CTNNA2: variants seen among roughly 807,000 people sequenced by gnomAD.
The protein encoded by CTNNA2 is catenin alpha-2.
Under a neutral mutation model 101.0 loss-of-function variants are expected in CTNNA2, and 42 were observed. The ratio of observed to expected loss-of-function variants is 0.42; its 90% CI spans 0.32 to 0.54. The LOEUF is 0.54. Among genes scored for constraint, CTNNA2 ranks in the 20% least tolerant of loss-of-function variants. The probability of loss-of-function intolerance (pLI) is 0.14; values close to 1 mark genes in which losing one functional copy is unlikely to be tolerated. For missense variants in CTNNA2, 871 were observed against 1,223.1 expected, an observed-to-expected ratio of 0.71 and a Z score of 4.29; for synonymous variants, 450 against 456.4, an observed-to-expected ratio of 0.99 and a Z score of 0.18.
intron 1 of CTNNA2, among the ~76,000 whole-genome samples, chr2:79,612,983 T>C (rs1487556764): frequency 6.6e-6 from 1 of 152,156 alleles, no homozygotes; most frequent in African/African-American, 2.4e-5. Context: ...ATGACATATT[T>C]CTATTTATAT....
intron 7 of CTNNA2, among the ~76,000 whole-genome samples, chr2:80,060,859 T>G (rs577832335): frequency 1.3e-5 from 2 of 152,322 alleles, no homozygotes; most frequent in South Asian, 4.1e-4. Flanking sequence ...CCCTCTGCTC[T>G]TAGAGCCTTG....
intron 12 of CTNNA2, among the ~76,000 whole-genome samples, chr2:80,571,069 C>T (rs1026590835): frequency 2.0e-5 from 3 of 152,156 alleles, no homozygotes; most frequent in Non-Finnish European, 2.9e-5. Flanking sequence ...TAGCATGTCA[C>T]CTTCTACGTT....
chr2:80,168,817 A>G (rs1021822931), intron 7 of CTNNA2, among the ~76,000 whole-genome samples: 2 of 151,864 alleles, frequency 1.3e-5, no homozygotes, highest in African/African-American at 2.4e-5. Flanking sequence ...AGGTGATTCG[A>G]ATGTATAGTA....
At chr2:80,376,752 C>G (rs146119883) in intron 7 of CTNNA2, among the ~76,000 whole-genome samples, 35 of 152,272 alleles carry the variant, frequency 2.3e-4, no homozygotes, top group Non-Finnish European at 3.2e-4. Context: ...GTGGGGCAGA[C>G]ATGGAAAGCC....
chr2:79,375,416 C>T (rs1200457554), intron 4 of CTNNA2, among the ~76,000 whole-genome samples: 1 of 152,142 alleles, frequency 6.6e-6, no homozygotes, highest in Non-Finnish European at 1.5e-5. Flanking sequence ...CGCCATCGTT[C>T]CTTCTTTATT....
intron 8 of CTNNA2, among the ~76,000 whole-genome samples, chr2:80,395,770 G>T (rs1189961565): frequency 1.3e-5 from 2 of 152,192 alleles, no homozygotes; most frequent in Non-Finnish European, 2.9e-5. Context: ...TGCTAGAGCA[G>T]ATTCTAAAAG....
intron 7 of CTNNA2, among the ~76,000 whole-genome samples, chr2:79,956,386 C>T (rs1357723366): frequency 2.0e-5 from 3 of 152,058 alleles, no homozygotes; most frequent in Admixed American, 6.6e-5. Context: ...ACAATATTTA[C>T]GTTTAAAGAA....
chr2:79,816,454 A>G (rs1398184952), intron 3 of CTNNA2, among the ~76,000 whole-genome samples: 1 of 152,152 alleles, frequency 6.6e-6, no homozygotes, highest in Non-Finnish European at 1.5e-5. Context: ...TTCATGTCCA[A>G]CTTCCAGAGA....
chr2:79,918,436 A>G (rs1686415218), intron 7 of CTNNA2, among the ~76,000 whole-genome samples: 1 of 152,220 alleles, frequency 6.6e-6, no homozygotes, highest in Admixed American at 6.5e-5. Flanking sequence ...GGCCAGCTAG[A>G]TTAGGGGCCT....
chr2:79,808,025 AT>A (rs1416313653), intron 3 of CTNNA2, among the ~76,000 whole-genome samples: 1 of 152,180 alleles, frequency 6.6e-6, no homozygotes, highest in African/African-American at 2.4e-5. Flanking sequence ...ATGATATTAA[AT>A]TTTCCTTTAC....
At chr2:80,138,017 AAGGAGAAGATT>A (rs1465023253) in intron 7 of CTNNA2, among the ~76,000 whole-genome samples, 2 of 152,164 alleles carry the variant, frequency 1.3e-5, no homozygotes, top group Non-Finnish European at 2.9e-5. Flanking sequence ...CAATTTTACA[AAGGAGAAGATT>A]AGGTGTGGAA....
At chr2:79,973,803 G>T (rs1340888402) in intron 7 of CTNNA2, among the ~76,000 whole-genome samples, 4 of 152,162 alleles carry the variant, frequency 2.6e-5, no homozygotes, top group African/African-American at 4.8e-5. Flanking sequence ...TACCAAGGGC[G>T]AAACCAGTGT....
intron 9 of CTNNA2, among the ~76,000 whole-genome samples, chr2:80,444,621 G>A (rs1682913810): frequency 6.6e-6 from 1 of 152,178 alleles, no homozygotes; most frequent in African/African-American, 2.4e-5. Context: ...CATGGAGATA[G>A]AGCCTTTGGG....
At chr2:79,197,093 A>T (rs1673971293) in intron 1 of CTNNA2, among the ~76,000 whole-genome samples, 2 of 152,240 alleles carry the variant, frequency 1.3e-5, no homozygotes, top group Admixed American at 1.3e-4. Flanking sequence ...AGCTTGAAAC[A>T]TGCAAAGTGC....
At chr2:80,095,169 A>T (rs1182678098) in intron 7 of CTNNA2, among the ~76,000 whole-genome samples, 1 of 152,174 alleles carries the variant, frequency 6.6e-6, no homozygotes, top group Non-Finnish European at 1.5e-5. Flanking sequence ...TTATTTTGAG[A>T]TATGTCCCAT....
intron 3 of CTNNA2, among the ~76,000 whole-genome samples, chr2:79,837,566 G>A (rs1236954410): frequency 1.3e-5 from 2 of 152,038 alleles, no homozygotes; most frequent in Non-Finnish European, 2.9e-5. Flanking sequence ...TCTCTCAAAT[G>A]AGCATGGCAG....
chr2:79,939,858 C>T (rs1688033344), intron 7 of CTNNA2, among the ~76,000 whole-genome samples: 1 of 152,078 alleles, frequency 6.6e-6, no homozygotes, highest in Non-Finnish European at 1.5e-5. Flanking sequence ...TTTGGGAGGC[C>T]GAGGTGGGCA....
intron 7 of CTNNA2, among the ~76,000 whole-genome samples, chr2:80,389,989 G>A (rs1677356041): frequency 1.3e-5 from 2 of 152,158 alleles, no homozygotes; most frequent in Admixed American, 6.5e-5. Context: ...AAAGTTAGTA[G>A]TAATCACACT....
At chr2:80,127,847 G>A (rs930071285) in intron 7 of CTNNA2, among the ~76,000 whole-genome samples, 6 of 151,940 alleles carry the variant, frequency 3.9e-5, no homozygotes, top group Non-Finnish European at 7.4e-5. Flanking sequence ...GCCTAAAGAG[G>A]GACATTTTTA....
Sources: gnomAD v4.1 joint callset for allele counts (sites outside exome capture counted in the v4.1 genomes callset) on GRCh38, gnomAD v4.1.1 for gene constraint, MANE v1.5 for transcripts, NCBI Gene and HGNC (gene_info 2026-07-23, HGNC 2026-07-21) for gene names.